Variants in SLC4A4 observed in about 807,000 individuals in gnomAD.
SLC4A4 encodes electrogenic sodium bicarbonate cotransporter 1.
Under a neutral mutation model 111.5 loss-of-function variants are expected in SLC4A4, and 27 were observed. The ratio of observed to expected loss-of-function variants is 0.24; its 90% CI spans 0.18 to 0.33. The LOEUF (loss-of-function observed/expected upper bound fraction) is 0.33, where lower values mean the gene tolerates loss of function less well. SLC4A4 is among the 10% of genes least tolerant of loss of function. The pLI is 1.00. For synonymous variants in SLC4A4, 443 were observed against 463.4 expected, an observed-to-expected ratio of 0.96 and a Z score of 0.57; for missense variants, 909 against 1,315.5, an observed-to-expected ratio of 0.69 and a Z score of 4.78.
At chr4:71,452,558 C>T (rs1197287120) in intron 11 of SLC4A4, among the ~76,000 whole-genome samples, 2 of 152,076 alleles carry the variant, frequency 1.3e-5, no homozygotes, top group Admixed American at 6.6e-5. Context: ...ATGTAATAGC[C>T]AAGAGTGGAA....
chr4:71,363,509 C>A (rs1459416197), intron 6 of SLC4A4, among the ~76,000 whole-genome samples: 1 of 152,204 alleles, frequency 6.6e-6, no homozygotes, highest in South Asian at 2.1e-4. Context: ...ATCCCCCCAA[C>A]TGCCCCATAC....
At chr4:71,165,146 G>A (rs551517627) in intron 2 of SLC4A4, among the ~76,000 whole-genome samples, 2 of 152,198 alleles carry the variant, frequency 1.3e-5, no homozygotes, top group African/African-American at 4.8e-5. Flanking sequence ...ACAGTGTGGA[G>A]ATTCCTCAAG....
Position 71,268,075 on chromosome 4 carries a change from GTTTTTTTTT to G in SLC4A4, c.253+12690_253+12698del, listed in dbSNP as rs10657146. Among the ~76,000 whole-genome samples the G allele has an allele frequency of 8.0e-5, 7 of 87,590 alleles. 1 individual carries two copies. Among genetic ancestry groups the G allele is most frequent in the African/African-American group, 1.4e-4 (3 of 21,996 alleles). The allele number at this position is 87,590 out of a possible 152,430, so 57.5% of individuals were successfully genotyped here. On this transcript the variant is annotated intron_variant, in intron 3 of 25. Transcript: ENST00000264485. Reference sequence around the variant, plus strand: ...ATATCAGTGTGCCAAATAAAGTAGTGTTTTTTTTTTTTTTTTTTTTTTGCCACTAGTGAA... The same window carrying G: ...ATATCAGTGTGCCAAATAAAGTAGTGTTTTTTTTTTTTTGCCACTAGTGAA...
chr4:71,440,756 A>C lies in SLC4A4; in HGVS notation c.948A>C (p.Glu316Asp), dbSNP rs568270283. ...CTGTCATGCTGGGTGCCCTGACTGA[A>C]GTTCCTGTGCCCACAAGGTAAGCTG... is the stretch of plus-strand genomic sequence containing the variant. ...QQAVMLGALT[E>D]VPVPTRFLFI... The change falls in exon 8 of 26, where the codon GAA becomes GAC. Residue 316 changes from glutamate to aspartate, a missense_variant. Glu to Asp is a conservative substitution (Grantham distance 45, BLOSUM62 2). Transcript: ENST00000264485. The C allele has an allele frequency of 6.2e-7, 1 of 1,614,056 alleles. No homozygotes were observed. Among genetic ancestry groups the C allele is most frequent in the East Asian group, 2.2e-5 (1 of 44,862 alleles).
chr4:71,131,632 A>G (rs1743710799), intron 2 of SLC4A4, among the ~76,000 whole-genome samples: 1 of 152,220 alleles, frequency 6.6e-6, no homozygotes, highest in Non-Finnish European at 1.5e-5. Flanking sequence ...AGCTGTATTA[A>G]TCTAGGATTA....
chr4:71,253,932 T>C (rs1453933534), intron 2 of SLC4A4, among the ~76,000 whole-genome samples: 1 of 152,208 alleles, frequency 6.6e-6, no homozygotes, highest in Non-Finnish European at 1.5e-5. Flanking sequence ...AGCTGGAATA[T>C]CTTTCCTGAA....
At chr4:71,394,446 A>G (rs1260363243) in intron 6 of SLC4A4, among the ~76,000 whole-genome samples, 5 of 152,224 alleles carry the variant, frequency 3.3e-5, no homozygotes, top group Non-Finnish European at 5.9e-5. Context: ...AAAAGCCACA[A>G]TGCAAAACCA....
intron 6 of SLC4A4, among the ~76,000 whole-genome samples, chr4:71,394,161 T>C (rs1220012577): frequency 6.6e-6 from 1 of 151,782 alleles, no homozygotes; most frequent in Non-Finnish European, 1.5e-5. Context: ...AGATAAATAG[T>C]TGGAACTTAA....
At chr4:71,276,415 A>G (rs1332054273) in intron 3 of SLC4A4, among the ~76,000 whole-genome samples, 1 of 152,200 alleles carries the variant, frequency 6.6e-6, no homozygotes, top group Non-Finnish European at 1.5e-5. Context: ...CCATCACTAC[A>G]GAGATCTTCG....
intron 23 of SLC4A4, among the ~76,000 whole-genome samples, chr4:71,560,530 G>C (rs1736882632): frequency 6.6e-6 from 1 of 151,702 alleles, no homozygotes; most frequent in Non-Finnish European, 1.5e-5. Flanking sequence ...AAAAAATTCT[G>C]ATCTCATAGA....
upstream of SLC4A4, among the ~76,000 whole-genome samples, chr4:71,186,471 G>A (rs1423929161): frequency 6.6e-6 from 1 of 152,210 alleles, no homozygotes; most frequent in Non-Finnish European, 1.5e-5. Flanking sequence ...AGGACAAAAA[G>A]CTGGACCTAG....
In SLC4A4 at chr4:71,357,204, C is replaced by G. The variant is rs767881694; in HGVS notation, c.730+17C>G. On this transcript the variant is annotated intron_variant, in intron 6 of 25. Coordinates refer to ENST00000264485, the MANE Select transcript of SLC4A4 (RefSeq NM_001098484.3). The stretch of plus-strand genomic sequence containing the variant: ...CTGATAATGGTAATGCAGAGGCCAG[C>G]TGGCTGCTGCTTTCTCTTACTTATT... 1.2e-6 allele frequency: 2 copies of G among 1,611,794 alleles called. No homozygotes were observed. The highest frequency in any genetic ancestry group is 1.7e-6 in the Non-Finnish European group (2 of 1,178,030).
chr4:71,321,727 G>T (rs1727136874), intron 3 of SLC4A4, among the ~76,000 whole-genome samples: 1 of 151,952 alleles, frequency 6.6e-6, no homozygotes, highest in Non-Finnish European at 1.5e-5. Flanking sequence ...CCCAGATAAT[G>T]TATTAGTATA....
chr4:71,559,408 A>G (rs1736756053), intron 22 of SLC4A4, among the ~76,000 whole-genome samples: 1 of 151,888 alleles, frequency 6.6e-6, no homozygotes, highest in Non-Finnish European at 1.5e-5. Flanking sequence ...CCTCACAGAC[A>G]TTAAGGACCT....
chr4:71,148,713 G>A lies in SLC4A4; in HGVS notation c.-2+55921G>A, dbSNP rs139159194. On this transcript the variant is annotated intron_variant, in intron 2 of 26. Transcript: ENST00000649996. ...GGCCTCCAGCTCCATCCATGTTCCCGCAAAGGACATGATCTTGTTCTTTTT... is the reference window on the plus strand; with the variant it reads ...GGCCTCCAGCTCCATCCATGTTCCCACAAAGGACATGATCTTGTTCTTTTT... 2.7e-3 allele frequency among the ~76,000 whole-genome samples: 412 copies of A among 152,196 alleles called. 1 individual carries two copies. The highest frequency in any genetic ancestry group is 9.0e-3 in the African/African-American group (374 of 41,560).
chr4:71,197,198 G>C (rs892613513), intron 1 of SLC4A4, among the ~76,000 whole-genome samples: 3 of 152,116 alleles, frequency 2.0e-5, no homozygotes, highest in Non-Finnish European at 4.4e-5. Context: ...CTGGGCGACA[G>C]AGCGAGATTC....
chr4:71,499,357 G>A (rs901446431), intron 16 of SLC4A4, among the ~76,000 whole-genome samples: 4 of 152,036 alleles, frequency 2.6e-5, no homozygotes, highest in Admixed American at 2.0e-4. Context: ...TATTTCTGGA[G>A]TACAATGTGA....
intron 2 of SLC4A4, among the ~76,000 whole-genome samples, chr4:71,165,503 A>C (rs938403572): frequency 1.3e-5 from 2 of 152,082 alleles, no homozygotes; most frequent in African/African-American, 4.8e-5. Context: ...AGTTGAACAA[A>C]GAGAACACAT....
chr4:71,504,596 A>T, intron 16 of SLC4A4, among the ~76,000 whole-genome samples: 1 of 135,650 alleles, frequency 7.4e-6, no homozygotes, highest in African/African-American at 2.6e-5. Context: ...ATTATTTTGA[A>T]TTCCTTTTGA....
Sources: gnomAD v4.1 joint callset for allele counts (sites outside exome capture counted in the v4.1 genomes callset) on GRCh38, gnomAD v4.1.1 for gene constraint, MANE v1.5 for transcripts, NCBI Gene and HGNC (gene_info 2026-07-23, HGNC 2026-07-21) for gene names.